The following GNB1L variants were observed in gnomAD, a reference collection of about 807,000 sequenced individuals.
The protein encoded by GNB1L is G protein subunit beta 1 like.
Under a neutral mutation model 29.1 loss-of-function variants are expected in GNB1L, and 20 were observed. The observed-to-expected ratio is 0.69, with a 90% CI of 0.48 to 1.00. GNB1L has a LOEUF of 1.00. Ranked by LOEUF, GNB1L falls within the 50% of genes least tolerant of loss-of-function variation. The pLI, the probability that GNB1L is intolerant of heterozygous loss-of-function variation, is 0.00. For missense variants in GNB1L, 421 were observed against 464.9 expected, an observed-to-expected ratio of 0.91 and a Z score of 0.87; for synonymous variants, 193 against 206.5, an observed-to-expected ratio of 0.93 and a Z score of 0.56.
At chr22:19,823,803 A>G (rs1356189371) in intron 2 of GNB1L, among the ~76,000 whole-genome samples, 2 of 152,102 alleles carry the variant, frequency 1.3e-5, no homozygotes, top group Non-Finnish European at 2.9e-5. Context: ...CCATATGTGC[A>G]CACACACACA....
chr22:19,794,984 CAATAAAATAAAATAATAA>C (rs940032680), intron 7 of GNB1L, among the ~76,000 whole-genome samples: 4 of 151,926 alleles, frequency 2.6e-5, no homozygotes, highest in Admixed American at 2.0e-4. Flanking sequence ...CGTCTCAAAA[CAATAAAATAAAATAATAA>C]AATAAAATAA....
intron 4 of GNB1L, 89 bp downstream of exon 4, chr22:19,820,509 G>T: frequency 7.2e-7 from 1 of 1,387,382 alleles, no homozygotes; most frequent in Non-Finnish European, 9.9e-7. Flanking sequence ...ACCCCATTCT[G>T]CCCCTCAGTG....
At chr22:19,793,038 C>T in intron 7 of GNB1L, 6 of 1,594,950 alleles carry the variant, frequency 3.8e-6, no homozygotes, top group East Asian at 2.2e-5. Flanking sequence ...GTCTGTGGCT[C>T]GTATCGCCAA....
At chr22:19,797,783 C>CCT (rs1937323445) in intron 7 of GNB1L, among the ~76,000 whole-genome samples, 1 of 152,216 alleles carries the variant, frequency 6.6e-6, no homozygotes, top group South Asian at 2.1e-4. Flanking sequence ...CCTTTCAAGG[C>CCT]CTCTCCAGGG....
chr22:19,851,471 G>A (rs1339425708), intron 2 of GNB1L: 1 of 1,614,114 alleles, frequency 6.2e-7, no homozygotes, highest in Non-Finnish European at 8.5e-7. Context: ...GGGCCCAGGG[G>A]TGCTCTCCTT....
At position 19,802,193 on chromosome 22, in the gene GNB1L, G is replaced by C. The variant is rs778831517; in HGVS notation, c.540C>G (p.Leu180=). ...ATCCATCCTCATAGCCGGCCAGAAG[G>C]AGTGGGCGGGAGCTGCAGTCGGCCT... ...LWQADCSSRP[L]LLAGYEDGSV... Residue 180 remains leucine, a synonymous_variant, in exon 7 of 8, where the codon CTC becomes CTG. Coordinates refer to ENST00000329517, the MANE Select transcript of GNB1L (RefSeq NM_053004.3). 3 of 1,612,922 alleles carry C rather than the reference G, an allele frequency of 1.9e-6. No homozygotes were observed. Among genetic ancestry groups the C allele is most frequent in the South Asian group, 1.1e-5 (1 of 91,080 alleles).
chr22:19,844,067 G>A (rs1937909936), intron 2 of GNB1L, among the ~76,000 whole-genome samples: 1 of 152,164 alleles, frequency 6.6e-6, no homozygotes, highest in African/African-American at 2.4e-5. Flanking sequence ...GAGACCCACA[G>A]TGCCCCACCC....
At chr22:19,838,627 G>A (rs890832914) in intron 2 of GNB1L, among the ~76,000 whole-genome samples, 1 of 151,930 alleles carries the variant, frequency 6.6e-6, no homozygotes, top group South Asian at 2.1e-4. Flanking sequence ...CTGCCACCGC[G>A]CCCGGCTAAT....
At chr22:19,817,497 C>T (rs1397098414) in intron 4 of GNB1L, among the ~76,000 whole-genome samples, 1 of 151,900 alleles carries the variant, frequency 6.6e-6, no homozygotes, top group Non-Finnish European at 1.5e-5. Flanking sequence ...GAAAAAAAAA[C>T]GTAAGAAAAA....
intron 7 of GNB1L, among the ~76,000 whole-genome samples, chr22:19,799,066 C>G (rs1486530359): frequency 1.3e-5 from 2 of 152,264 alleles, no homozygotes; most frequent in African/African-American, 4.8e-5. Context: ...GACAGCGCAG[C>G]AGCCACCACT....
intron 2 of GNB1L, among the ~76,000 whole-genome samples, chr22:19,845,728 T>C (rs1937946338): frequency 6.6e-6 from 1 of 152,202 alleles, no homozygotes; most frequent in Non-Finnish European, 1.5e-5. Context: ...CCTGCTGTCC[T>C]GGAGAGCAGG....
rs1045335348 is a variant in GNB1L at position 19,816,054 on chromosome 22, C to A, written c.255-3607G>T. ...ACACCGCATCCTGACCAAGGGTGAG[C>A]CCCGACAGCCCACAGCCATCCTGGG... On this transcript the variant is annotated intron_variant, in intron 4 of 7. Coordinates refer to ENST00000329517, the MANE Select transcript of GNB1L (RefSeq NM_053004.3). This position sits in a 1 kb window ranked among gnomAD's most constrained non-coding sequence, Gnocchi z 4.4. Among the ~76,000 whole-genome samples the A allele has an allele frequency of 8.5e-5, 13 of 152,204 alleles. No individual in the cohort carries two copies. Among genetic ancestry groups the A allele is most frequent in the Non-Finnish European group, 1.9e-4 (13 of 68,026 alleles).
At chr22:19,850,936 G>A in intron 2 of GNB1L, 1 of 1,372,346 alleles carries the variant, frequency 7.3e-7, no homozygotes, top group Non-Finnish European at 9.4e-7. Flanking sequence ...GGGCAGGGAT[G>A]CAGCAGAGAG....
At chr22:19,835,488 G>T (rs1411056184) in intron 2 of GNB1L, among the ~76,000 whole-genome samples, 1 of 151,656 alleles carries the variant, frequency 6.6e-6, no homozygotes, top group Non-Finnish European at 1.5e-5. Context: ...GACCAGCCTG[G>T]CCAGCATGGT....
intron 7 of GNB1L, among the ~76,000 whole-genome samples, chr22:19,790,847 G>A (rs1166027709): frequency 6.6e-6 from 1 of 152,204 alleles, no homozygotes; most frequent in African/African-American, 2.4e-5. Context: ...GATATACTGG[G>A]AAAATGCAAA....
chr22:19,812,503 A>G (rs1010019162), intron 4 of GNB1L, 56 bp from the exon 5 acceptor site: 9 of 1,503,326 alleles, frequency 6.0e-6, no homozygotes, highest in Admixed American at 1.9e-5. Context: ...GTCAGCTCCC[A>G]TGGCCCCTGC....
At chr22:19,854,683 G>C (rs759315123) in intron 1 of GNB1L, 137 bp downstream of exon 1, 5 of 152,592 alleles carry the variant, frequency 3.3e-5, no homozygotes, top group African/African-American at 4.8e-5. Context: ...CCCGCAGACC[G>C]AAGGCACTGC....
Position 19,820,708 on chromosome 22 carries a change from C to T in GNB1L, c.144G>A (p.Leu48=). The T allele has an allele frequency of 6.2e-7, 1 of 1,612,532 alleles. No individual in the cohort carries two copies. The highest frequency in any genetic ancestry group is 8.5e-7 in the Non-Finnish European group (1 of 1,178,942). The change falls in exon 4 of 8, where the codon CTG becomes CTA. Residue 48 remains leucine, a synonymous_variant. Coordinates refer to ENST00000329517, the MANE Select transcript of GNB1L (RefSeq NM_053004.3). ...GCGTCTGCAGGCTCCAGATGTGTACCAGGCCACTCTGAGACCTGTTTCAGA... is the reference window on the plus strand; with the variant it reads ...GCGTCTGCAGGCTCCAGATGTGTACTAGGCCACTCTGAGACCTGTTTCAGA... ...PLLFSGSQSG[L]VHIWSLQTRR...
At position 19,812,210 on chromosome 22, in the gene GNB1L, G is replaced by A. The variant is rs1423336989; in HGVS notation, c.417+75C>T. 7 of 1,476,994 alleles carry A rather than the reference G, an allele frequency of 4.7e-6. No homozygotes were observed. In the African/African-American group the frequency reaches 8.3e-5, roughly 18 times the overall value. 91.5% of individuals were successfully genotyped at this position (1,476,994 alleles called of 1,614,324 possible). On this transcript the variant is annotated intron_variant, in intron 5 of 7. Coordinates refer to ENST00000329517, the MANE Select transcript of GNB1L (RefSeq NM_053004.3). Reference sequence around the variant, plus strand: ...CATGGAGTCCTGTGGGTAGGCGCAGGCGCCTCCTAATCAAATGCAGAGGAT... The same window carrying A: ...CATGGAGTCCTGTGGGTAGGCGCAGACGCCTCCTAATCAAATGCAGAGGAT...
Sources: gnomAD v4.1 joint callset for allele counts (sites outside exome capture counted in the v4.1 genomes callset) on GRCh38, gnomAD v4.1.1 for gene constraint, Gnocchi (gnomAD v3.1) non-coding constraint, MANE v1.5 for transcripts, NCBI Gene and HGNC (gene_info 2026-07-23, HGNC 2026-07-21) for gene names.